Variants in LRRC37A observed in about 807,000 individuals in gnomAD.
LRRC37A encodes the protein leucine rich repeat containing 37A, also known as leucine-rich repeat-containing protein 37A.
Under a neutral mutation model 35.4 loss-of-function variants are expected in LRRC37A, and 3 were observed. The ratio of observed to expected loss-of-function variants is 0.08; its 90% CI spans 0.04 to 0.22. The LOEUF (loss-of-function observed/expected upper bound fraction) is 0.22. LRRC37A is among the 10% of genes least tolerant of loss of function. LRRC37A has a pLI of 1.00. For synonymous variants in LRRC37A, 23 were observed against 215.0 expected (o/e 0.11, Z 7.81); for missense variants, 67 against 565.3 (o/e 0.12, Z 8.94).
the LRRC37A span, among the ~76,000 whole-genome samples, chr17:46,263,991 C>T: frequency 2.0e-5 from 3 of 152,114 alleles, no homozygotes; most frequent in South Asian, 2.1e-4. Flanking sequence ...GCCACTGCAT[C>T]TGGCTCCCAC....
At chr17:46,284,772 CCA>C in the LRRC37A span, among the ~76,000 whole-genome samples, 2 of 152,244 alleles carry the variant, frequency 1.3e-5, no homozygotes, top group Non-Finnish European at 2.9e-5. Context: ...TAACATTCAA[CCA>C]CACATTGAGA....
At chr17:46,275,377 G>T in the LRRC37A span, 1 of 1,011,022 alleles carries the variant, frequency 9.9e-7, no homozygotes. Context: ...TTAACATGCT[G>T]AACTTTAGGA....
the LRRC37A span, among the ~76,000 whole-genome samples, chr17:46,254,403 TTATTTATTTATCTATC>T: frequency 6.6e-6 from 1 of 152,114 alleles, no homozygotes; most frequent in South Asian, 2.1e-4. Flanking sequence ...TTGTATTTAT[TTATTTATTTATCTATC>T]TATTTATTTA....
chr17:46,271,548 T>C, the LRRC37A span, among the ~76,000 whole-genome samples: 1 of 152,042 alleles, frequency 6.6e-6, no homozygotes, highest in Non-Finnish European at 1.5e-5. Context: ...TCTAACTAAG[T>C]GTGCAGAGAT....
the LRRC37A span, among the ~76,000 whole-genome samples, chr17:46,285,510 G>T: frequency 6.6e-6 from 1 of 152,026 alleles, no homozygotes; most frequent in African/African-American, 2.4e-5. Context: ...CAAAGTGCTG[G>T]GATTACAGGT....
chr17:46,268,353 T>G, the LRRC37A span, among the ~76,000 whole-genome samples: 1 of 152,262 alleles, frequency 6.6e-6, no homozygotes, highest in Non-Finnish European at 1.5e-5. Flanking sequence ...GTCGCTAGAC[T>G]GTTTCCACCT....
chr17:46,259,017 C>CTCTT, the LRRC37A span, among the ~76,000 whole-genome samples: 1 of 24,990 alleles, frequency 4.0e-5, no homozygotes, highest in Non-Finnish European at 1.4e-4. Flanking sequence ...CGCACCCGGC[C>CTCTT]TATTTTTTTT....
chr17:46,266,877 A>G, the LRRC37A span, among the ~76,000 whole-genome samples: 1 of 147,394 alleles, frequency 6.8e-6, no homozygotes, highest in South Asian at 2.1e-4. Context: ...CCCGCGACGG[A>G]GGAAGCCCCG....
At chr17:46,284,184 G>A in the LRRC37A span, among the ~76,000 whole-genome samples, 2 of 152,214 alleles carry the variant, frequency 1.3e-5, no homozygotes, top group Admixed American at 6.5e-5. Flanking sequence ...GCTGGGGGAC[G>A]GTCAGGTCTT....
chr17:46,284,284 T>G, the LRRC37A span, among the ~76,000 whole-genome samples: 1 of 152,268 alleles, frequency 6.6e-6, no homozygotes, highest in Non-Finnish European at 1.5e-5. Flanking sequence ...CCCTGCGGCC[T>G]TCCGCAGTGT....
At chr17:46,273,726 AG>A in the LRRC37A span, among the ~76,000 whole-genome samples, 1 of 152,264 alleles carries the variant, frequency 6.6e-6, no homozygotes, top group Non-Finnish European at 1.5e-5. Context: ...GAACATTGAA[AG>A]GAAGAACATG....
intron 7 of LRRC37A, among the ~76,000 whole-genome samples, chr17:46,323,901 A>C (rs2051548720): frequency 1.0e-5 from 1 of 98,450 alleles, no homozygotes; most frequent in Admixed American, 1.0e-4. Flanking sequence ...AATTATGTAC[A>C]TACCATTTAC....
At chr17:46,280,596 C>G in the LRRC37A span, among the ~76,000 whole-genome samples, 7 of 110,716 alleles carry the variant, frequency 6.3e-5, no homozygotes, top group Middle Eastern at 0.031. Context: ...TTTTCCTGAG[C>G]AGAGTCTCAC....
rs529637948 is a variant in LRRC37A at position 46,323,695 on chromosome 17, C to A, written c.3053+668C>A. On this transcript the variant is annotated intron_variant, in intron 7 of 13. Transcript: ENST00000320254. ...TACAGATAAGATCCACCTTGCCTGG[C>A]CTCACTCAGTAGAATTTTTTTTGAG... 2.5e-3 allele frequency among the ~76,000 whole-genome samples: 257 copies of A among 104,546 alleles called. 57 individuals carry two copies. Among genetic ancestry groups the A allele is most frequent in the African/African-American group, 7.1e-3 (233 of 32,626 alleles). 68.6% of individuals were successfully genotyped at this position (104,546 alleles called of 152,430 possible).
At chr17:46,290,879 A>G (rs578109411), upstream of LRRC37A, among the ~76,000 whole-genome samples, 193 of 152,346 alleles carry the variant, frequency 1.3e-3, no homozygotes, top group Admixed American at 2.5e-3. Flanking sequence ...GCCTAAAGGT[A>G]AGGTCCATCT....
At position 46,325,732 on chromosome 17, in the gene LRRC37A, T is replaced by C. The variant is rs1384288938; in HGVS notation, c.3054-2660T>C. Among the ~76,000 whole-genome samples, 6 of 79,422 alleles carry C rather than the reference T, an allele frequency of 7.6e-5. 3 individuals are homozygous for C. Among genetic ancestry groups the C allele is most frequent in the Non-Finnish European group, 2.3e-4 (6 of 26,272 alleles). 52.1% of individuals were successfully genotyped at this position (79,422 alleles called of 152,430 possible). ...GGAGAATGCCTTGGTTCTTAGGGGC[T>C]GCACACTGAAGTCTTCAATGGTGAA... On this transcript the variant is annotated intron_variant, in intron 7 of 13. Coordinates refer to ENST00000320254, the Ensembl canonical transcript of LRRC37A.
the LRRC37A span, among the ~76,000 whole-genome samples, chr17:46,250,433 C>A: frequency 1.3e-5 from 2 of 152,186 alleles, no homozygotes; most frequent in Admixed American, 1.3e-4. Context: ...TTTGAGTCAG[C>A]GGGCTGAGAA....
At chr17:46,260,796 T>C in the LRRC37A span, among the ~76,000 whole-genome samples, 1 of 152,152 alleles carries the variant, frequency 6.6e-6, no homozygotes, top group Non-Finnish European at 1.5e-5. Context: ...GCTAATTTTG[T>C]ATTTTTAGTA....
the LRRC37A span, among the ~76,000 whole-genome samples, chr17:46,257,418 A>C: frequency 2.6e-4 from 39 of 147,504 alleles, no homozygotes; most frequent in African/African-American, 9.1e-4. Context: ...GTGCCACTGC[A>C]CTCTAGCCCA....
Sources: allele counts gnomAD v4.1 joint callset (sites outside exome capture counted in the v4.1 genomes callset), GRCh38; gene constraint gnomAD v4.1.1; transcripts MANE v1.5; gene names NCBI Gene and HGNC (gene_info 2026-07-23, HGNC 2026-07-21).